Variants in ADCY8 observed in about 807,000 individuals in gnomAD.
The protein encoded by ADCY8 is adenylate cyclase 8, also known as adenylate cyclase type 8.
In ADCY8, 51 loss-of-function variants were observed where a neutral mutation model predicts 119.7. The ratio of observed to expected loss-of-function variants is 0.43; its 90% CI spans 0.34 to 0.54. The LOEUF (loss-of-function observed/expected upper bound fraction) is 0.54. Ranked by LOEUF, ADCY8 falls within the 20% of genes least tolerant of loss-of-function variation. The pLI, the probability that ADCY8 is intolerant of heterozygous loss-of-function variation, is 0.03. For synonymous variants in ADCY8, 665 were observed against 651.0 expected, an observed-to-expected ratio of 1.02 and a Z score of -0.33; for missense variants, 1,383 against 1,598.8, an observed-to-expected ratio of 0.87 and a Z score of 2.30.
chr8:130,799,985 G>A (rs896000961), intron 15 of ADCY8, among the ~76,000 whole-genome samples: 2 of 152,194 alleles, frequency 1.3e-5, no homozygotes, highest in Admixed American at 6.5e-5. Flanking sequence ...GGAAGAAACC[G>A]CTATCTGTAG....
intron 1 of ADCY8, among the ~76,000 whole-genome samples, chr8:131,028,261 C>T (rs1823881788): frequency 6.6e-6 from 1 of 152,240 alleles, no homozygotes; most frequent in South Asian, 2.1e-4. Flanking sequence ...TGTCCATTGG[C>T]ACAGCTTCTC....
intron 5 of ADCY8, among the ~76,000 whole-genome samples, chr8:130,914,304 G>C (rs149365948): frequency 6.6e-6 from 1 of 152,166 alleles, no homozygotes; most frequent in African/African-American, 2.4e-5. Flanking sequence ...AAAGTGCTTT[G>C]CCAGCTAATG....
At chr8:130,895,657 A>G (rs79789874) in intron 7 of ADCY8, among the ~76,000 whole-genome samples, 2 of 152,164 alleles carry the variant, frequency 1.3e-5, no homozygotes, top group Non-Finnish European at 2.9e-5. Context: ...TTATTGTCAG[A>G]AAAAGCCATG....
chr8:131,020,856 C>A (rs1224753426), intron 1 of ADCY8, among the ~76,000 whole-genome samples: 3 of 152,110 alleles, frequency 2.0e-5, no homozygotes, highest in Non-Finnish European at 4.4e-5. Context: ...GAAATAGTCC[C>A]ACTAGTCTTC....
At chr8:130,917,729 G>T (rs1445300916) in intron 5 of ADCY8, among the ~76,000 whole-genome samples, 1 of 151,796 alleles carries the variant, frequency 6.6e-6, no homozygotes, top group African/African-American at 2.4e-5. Flanking sequence ...TCCTGAAATG[G>T]CCCTAACTCA....
intron 1 of ADCY8, among the ~76,000 whole-genome samples, chr8:131,023,119 A>T (rs146601152): frequency 5.4e-4 from 82 of 152,294 alleles, no homozygotes; most frequent in African/African-American, 1.9e-3. Context: ...CTGCAATATT[A>T]TGCAGGAATA....
chr8:130,807,601 G>C (rs1461246100), intron 14 of ADCY8, among the ~76,000 whole-genome samples: 1 of 152,164 alleles, frequency 6.6e-6, no homozygotes, highest in Non-Finnish European at 1.5e-5. Context: ...AGAAACAAGG[G>C]CCCACACCAG....
chr8:131,039,701 G>A lies in ADCY8; in HGVS notation c.633C>T (p.Leu211=), dbSNP rs2130823154. 6.2e-7 allele frequency: 1 copy of A among 1,614,152 alleles called. No individual in the cohort carries two copies. The highest frequency in any genetic ancestry group is 2.2e-5 in the East Asian group (1 of 44,858). Residue 211 remains leucine, a synonymous_variant, in exon 1 of 18, where the codon CTC becomes CTT. Transcript: ENST00000286355. ...LSLASAPMDP[L]KGILLGFFTG... ...TGAAGAAGCCCAGCAGGATGCCCTTGAGCGGGTCCATGGGGGCCGAGGCCA... is the reference window on the plus strand; with the variant it reads ...TGAAGAAGCCCAGCAGGATGCCCTTAAGCGGGTCCATGGGGGCCGAGGCCA...
In ADCY8 at chr8:130,909,849, G is replaced by T. The variant is rs376838452; in HGVS notation, c.1499C>A (p.Thr500Lys). ...IKTIRYVRSR[T>K]KHDVDMRIGI... The stretch of plus-strand genomic sequence containing the variant: ...AATCCTCATGTCAACATCGTGTTTT[G>T]TCCTTGACCGCACATACCTGTTGAC... The change falls in exon 6 of 18, where the codon ACA (threonine) becomes AAA (lysine). Residue 500 changes from threonine (T) to lysine (K), a missense_variant. Thr to Lys is a moderately conservative substitution (Grantham distance 78). This residue lies in a region of ADCY8 where 928 missense variants were observed against 1,163.5 expected (regional missense o/e 0.80). Transcript: ENST00000286355. 4 of 1,613,862 alleles carry T rather than the reference G, an allele frequency of 2.5e-6. No individual in the cohort carries two copies. The highest frequency in any genetic ancestry group is 2.7e-5 in the African/African-American group (2 of 74,852).
At chr8:130,810,376 ACACACACAC>A (rs1816126436) in intron 14 of ADCY8, among the ~76,000 whole-genome samples, 1 of 150,598 alleles carries the variant, frequency 6.6e-6, no homozygotes, top group Non-Finnish European at 1.5e-5. Flanking sequence ...ACACACACAC[ACACACACAC>A]ACTAGTCTTG....
At chr8:130,943,228 C>A in intron 4 of ADCY8, 123 bp downstream of exon 4, 1 of 677,346 alleles carries the variant, frequency 1.5e-6, no homozygotes, top group Non-Finnish European at 2.6e-6. Flanking sequence ...AGGGTCCATG[C>A]CTAGGGACAG....
At chr8:130,852,943 C>A (rs1346194410) in intron 9 of ADCY8, among the ~76,000 whole-genome samples, 1 of 152,180 alleles carries the variant, frequency 6.6e-6, no homozygotes, top group Non-Finnish European at 1.5e-5. Context: ...TATTCATTGA[C>A]TTATGCTTTT....
chr8:130,782,949 A>T (rs993231645), intron 17 of ADCY8, among the ~76,000 whole-genome samples: 12 of 152,162 alleles, frequency 7.9e-5, no homozygotes, highest in African/African-American at 2.9e-4. Context: ...ATTGTCTCAG[A>T]GTTAGGAAAT....
chr8:130,985,573 T>C (rs888431094), intron 2 of ADCY8, among the ~76,000 whole-genome samples: 1 of 152,146 alleles, frequency 6.6e-6, no homozygotes, highest in African/African-American at 2.4e-5. Flanking sequence ...AGAAGACCCA[T>C]CTAGTTGGAG....
chr8:130,812,868 C>A (rs757387817), intron 14 of ADCY8, among the ~76,000 whole-genome samples: 3 of 151,566 alleles, frequency 2.0e-5, no homozygotes, highest in Non-Finnish European at 2.9e-5. Flanking sequence ...TGCATACATA[C>A]ATTTATGTAT....
intron 8 of ADCY8, among the ~76,000 whole-genome samples, chr8:130,869,531 T>C (rs1411370615): frequency 2.0e-4 from 30 of 150,994 alleles, no homozygotes; most frequent in Non-Finnish European, 3.5e-4. Context: ...TTTTTGTTTT[T>C]TTTTGAGACA....
chr8:131,022,635 C>T (rs556511329), intron 1 of ADCY8, among the ~76,000 whole-genome samples: 61 of 152,288 alleles, frequency 4.0e-4, no homozygotes, highest in African/African-American at 1.4e-3. Context: ...ACTTCTGTCA[C>T]AGGCAGCAAG....
chr8:131,011,022 T>C (rs1354827195), intron 1 of ADCY8, among the ~76,000 whole-genome samples: 1 of 152,186 alleles, frequency 6.6e-6, no homozygotes, highest in Non-Finnish European at 1.5e-5. Flanking sequence ...TGCATCACAA[T>C]CCAGTCATAA....
At position 131,040,258 on chromosome 8, in the gene ADCY8, C is replaced by T; in HGVS notation, c.76G>A (p.Asp26Asn). ...YTIHPTPPAG[D>N]GRSASRPQRL... is the part of the protein sequence containing the mutation. ...TGCGGCCGGGAGGCGCTCCTGCCGT[C>T]GCCGGCCGGGGGCGTCGGGTGGATG... Residue 26 changes from aspartate to asparagine, a missense_variant, in exon 1 of 18, where the codon GAC (aspartate) becomes AAC (asparagine). Coordinates refer to ENST00000286355, the MANE Select transcript of ADCY8 (RefSeq NM_001115.3). 1.3e-6 allele frequency: 2 copies of T among 1,554,452 alleles called. No individual in the cohort carries two copies. The highest frequency in any genetic ancestry group is 1.7e-6 in the Non-Finnish European group (2 of 1,156,708).
Sources: gnomAD v4.1 joint callset for allele counts (sites outside exome capture counted in the v4.1 genomes callset) on GRCh38, gnomAD v4.1.1 for gene constraint, gnomAD v4.1.1 regional missense constraint, MANE v1.5 for transcripts, NCBI Gene and HGNC (gene_info 2026-07-23, HGNC 2026-07-21) for gene names.